JADE2: variants seen among roughly 807,000 people sequenced by gnomAD.
JADE2 encodes the protein E3 ubiquitin-protein ligase Jade-2.
In JADE2, 13 loss-of-function variants were observed where a neutral mutation model predicts 85.7. That is an observed-to-expected ratio of 0.15 (90% confidence interval 0.10 to 0.24). The LOEUF (loss-of-function observed/expected upper bound fraction) is 0.24. Among genes scored for constraint, JADE2 ranks in the 10% least tolerant of loss-of-function variants. The pLI is 1.00. For missense variants in JADE2, 846 were observed against 1,115.9 expected (o/e 0.76, Z 3.45); for synonymous variants, 440 against 456.1 (o/e 0.96, Z 0.45).
At chr5:134,548,991 A>G (rs1224060370) in intron 3 of JADE2, among the ~76,000 whole-genome samples, 7 of 152,132 alleles carry the variant, frequency 4.6e-5, no homozygotes, top group Non-Finnish European at 8.8e-5. Context: ...TTCATCAGAA[A>G]ATTCCCCAGA....
chr5:134,535,138 A>G (rs73293736), intron 1 of JADE2, among the ~76,000 whole-genome samples: 1 of 152,216 alleles, frequency 6.6e-6, no homozygotes, highest in Admixed American at 6.5e-5. Flanking sequence ...GCGTGAGCTC[A>G]GTATGAGGCC....
intron 4 of JADE2, among the ~76,000 whole-genome samples, chr5:134,555,395 G>A (rs1319584434): frequency 1.3e-5 from 2 of 152,322 alleles, no homozygotes; most frequent in Non-Finnish European, 2.9e-5. Context: ...GCTGACCTCC[G>A]CCGTCCTGGC....
In JADE2 at chr5:134,562,494, C is replaced by G; in HGVS notation, c.852+127C>G. 1 of 993,424 alleles carries G rather than the reference C, an allele frequency of 1.0e-6. No homozygotes were observed. The highest frequency in any genetic ancestry group is 1.5e-6 in the Non-Finnish European group (1 of 689,314). The allele number at this position is 993,424 out of a possible 1,614,324, so 61.5% of individuals were successfully genotyped here. The stretch of plus-strand genomic sequence containing the variant: ...CTCGCACTAAAACACTGAGATCGGC[C>G]GGGCGCGGTGGCTCACGCCTGTAAT... On this transcript the variant is annotated intron_variant, in intron 7 of 11. Transcript: ENST00000681547. This position sits in a 1 kb window ranked among gnomAD's most constrained non-coding sequence, Gnocchi z 4.6.
rs778216298 is a variant in JADE2, at chr5:134,562,758, C to T, written c.852+391C>T. Reference sequence around the variant, plus strand: ...CAGCCTGGGTGACAGAGCAAGACTCCGTCTGAAAAACAAAACAAAACAAAG... The same window carrying T: ...CAGCCTGGGTGACAGAGCAAGACTCTGTCTGAAAAACAAAACAAAACAAAG... On this transcript the variant is annotated intron_variant, in intron 7 of 11. Transcript: ENST00000681547. This position sits in a 1 kb window ranked among gnomAD's most constrained non-coding sequence, Gnocchi z 4.6. 2.0e-4 allele frequency among the ~76,000 whole-genome samples: 31 copies of T among 151,704 alleles called. No individual in the cohort carries two copies. The highest frequency in any genetic ancestry group is 1.3e-3 in the Admixed American group (20 of 15,248).
chr5:134,525,843 G>A lies in JADE2; in HGVS notation c.-169G>A. The A allele has an allele frequency of 2.0e-6, 2 of 992,852 alleles. No individual in the cohort carries two copies. The highest frequency in any genetic ancestry group is 4.4e-5 in the South Asian group (1 of 22,846). 61.5% of individuals were successfully genotyped at this position (992,852 alleles called of 1,614,324 possible). ...CGGCGGGGGGCGTGGGGCCTGGGAC[G>A]CCGCGGGCCCGGCCGCCTCCCTCGC... On this transcript the variant is annotated 5_prime_UTR_variant, in exon 1 of 12. Coordinates refer to ENST00000681547, the MANE Select transcript of JADE2 (RefSeq NM_001388185.1).
At chr5:134,538,167 G>C in intron 3 of JADE2, 84 bp downstream of exon 3, 1 of 1,119,222 alleles carries the variant, frequency 8.9e-7, no homozygotes, top group Non-Finnish European at 1.3e-6. Context: ...ATTCCTGGCA[G>C]AGGGCACGGG....
intron 3 of JADE2, among the ~76,000 whole-genome samples, chr5:134,546,822 G>A (rs1330305759): frequency 6.6e-6 from 1 of 152,036 alleles, no homozygotes; most frequent in Non-Finnish European, 1.5e-5. Context: ...TTTGTAGTGT[G>A]GTAACTGCTG....
At chr5:134,527,619 C>T (rs1465353616) in intron 1 of JADE2, among the ~76,000 whole-genome samples, 3 of 151,958 alleles carry the variant, frequency 2.0e-5, no homozygotes, top group South Asian at 4.2e-4. Flanking sequence ...TTCGCCTGGG[C>T]CGGAGCCCCC....
At chr5:134,576,695 G>A (rs556947943) in intron 10 of JADE2, 73 bp from the exon 11 acceptor site, 15 of 1,531,974 alleles carry the variant, frequency 9.8e-6, no homozygotes, top group African/African-American at 2.7e-5. Flanking sequence ...GGGCTGCCAC[G>A]CAGGGATCTT....
intron 1 of JADE2, among the ~76,000 whole-genome samples, chr5:134,530,450 C>G (rs984295963): frequency 6.6e-6 from 1 of 151,964 alleles, no homozygotes; most frequent in Non-Finnish European, 1.5e-5. Flanking sequence ...GCCTAGTGGC[C>G]CCTGGAGAGG....
At chr5:134,541,608 A>C (rs1364818271) in intron 3 of JADE2, among the ~76,000 whole-genome samples, 1 of 152,200 alleles carries the variant, frequency 6.6e-6, no homozygotes, top group African/African-American at 2.4e-5. Flanking sequence ...GGGAACACTT[A>C]CGGAGTGATG....
intron 3 of JADE2, among the ~76,000 whole-genome samples, chr5:134,547,502 G>C (rs1581423455): frequency 6.6e-6 from 1 of 152,130 alleles, no homozygotes; most frequent in Non-Finnish European, 1.5e-5. Flanking sequence ...CCACAGCAAG[G>C]CTTCTCGTTC....
At chr5:134,564,290 C>T (rs1763503361) in intron 7 of JADE2, 2 of 500,468 alleles carry the variant, frequency 4.0e-6, no homozygotes, top group African/African-American at 2.0e-5. Flanking sequence ...ACACACTCAT[C>T]CAGTGGTGAG....
chr5:134,536,483 G>T (rs1366978286), intron 2 of JADE2, among the ~76,000 whole-genome samples: 1 of 152,218 alleles, frequency 6.6e-6, no homozygotes, highest in African/African-American at 2.4e-5. Flanking sequence ...GTATGGATTG[G>T]CATGTCAATT....
chr5:134,538,197 C>T (rs1383079702), intron 3 of JADE2, 114 bp downstream of exon 3: 31 of 773,104 alleles, frequency 4.0e-5, no homozygotes, highest in Admixed American at 1.4e-4. Context: ...GGGAGGCCAG[C>T]GTGGCCGAGT....
chr5:134,569,082 T>C (rs1391270893), intron 9 of JADE2, among the ~76,000 whole-genome samples: 7 of 152,232 alleles, frequency 4.6e-5, no homozygotes, highest in Non-Finnish European at 4.4e-5. Context: ...AGTTTCTTTG[T>C]CTGTAAAATG....
rs1764776355 is a variant in JADE2, at chr5:134,582,894, G to A, written c.*3577G>A. ...CAATTTTAAATTATTTTTGGCTTAT[G>A]TTGCAATATTTATTTTCTTGTATTA... is the stretch of plus-strand genomic sequence containing the variant. On this transcript the variant is annotated 3_prime_UTR_variant, in exon 12 of 12. Transcript: ENST00000681547. 1 of 152,630 alleles carries A rather than the reference G, an allele frequency of 6.6e-6. No individual in the cohort carries two copies. Among genetic ancestry groups the A allele is most frequent in the Non-Finnish European group, 1.5e-5 (1 of 68,032 alleles). 9.5% of individuals were successfully genotyped at this position (152,630 alleles called of 1,614,324 possible). A position where few individuals can be genotyped will look rare whatever the true frequency, so the allele number is the denominator to read the frequency against.
chr5:134,546,143 GTTTTTTGT>G (rs1762281582), intron 3 of JADE2, among the ~76,000 whole-genome samples: 1 of 151,248 alleles, frequency 6.6e-6, no homozygotes. Context: ...CAAGCATTTC[GTTTTTTGT>G]TTTTTTGTTT....
chr5:134,574,401 T>C (rs572393576), intron 10 of JADE2: 1 of 157,572 alleles, frequency 6.3e-6, no homozygotes, highest in East Asian at 1.9e-4. Flanking sequence ...TCTTGGAGCG[T>C]ATACATGTTA....
Sources: gnomAD v4.1 joint callset for allele counts (sites outside exome capture counted in the v4.1 genomes callset) on GRCh38, gnomAD v4.1.1 for gene constraint, Gnocchi (gnomAD v3.1) non-coding constraint, MANE v1.5 for transcripts, NCBI Gene and HGNC (gene_info 2026-07-23, HGNC 2026-07-21) for gene names.